The following AP2A2 variants were observed in gnomAD, a reference collection of about 807,000 sequenced individuals.
AP2A2 encodes the protein AP-2 complex subunit alpha-2.
Under a neutral mutation model 104.2 loss-of-function variants are expected in AP2A2, and 32 were observed. That is an observed-to-expected ratio of 0.31 (90% CI 0.23 to 0.41). AP2A2 has a LOEUF of 0.41. AP2A2 is among the 10% of genes least tolerant of loss of function. The probability of loss-of-function intolerance (pLI) is 1.00; values close to 1 mark genes in which losing one functional copy is unlikely to be tolerated. For synonymous variants in AP2A2, 539 were observed against 533.3 expected (o/e 1.01, Z -0.15); for missense variants, 912 against 1,261.0 (o/e 0.72, Z 4.19).
chr11:987,654 C>CAA (rs776055754), intron 9 of AP2A2, among the ~76,000 whole-genome samples: 5 of 136,776 alleles, frequency 3.7e-5, no homozygotes, highest in South Asian at 2.3e-4. Context: ...GACTCCGTCT[C>CAA]AAAAAAAAAA....
At chr11:969,316 C>T (rs988981588) in intron 2 of AP2A2, among the ~76,000 whole-genome samples, 14 of 150,022 alleles carry the variant, frequency 9.3e-5, no homozygotes, top group South Asian at 2.1e-4. Context: ...CCGCAACCTC[C>T]GCCTCCCAGG....
chr11:961,526 C>A (rs2134573204), intron 2 of AP2A2, among the ~76,000 whole-genome samples: 1 of 148,168 alleles, frequency 6.7e-6, no homozygotes, highest in South Asian at 2.2e-4. Flanking sequence ...GTCGCCACCA[C>A]CAGTGAAAAG....
At chr11:966,872 T>C (rs936845328) in intron 2 of AP2A2, among the ~76,000 whole-genome samples, 31 of 152,056 alleles carry the variant, frequency 2.0e-4, no homozygotes, top group Non-Finnish European at 1.2e-4. Flanking sequence ...GATATTTTGT[T>C]ATAAAAAAAT....
intron 14 of AP2A2, among the ~76,000 whole-genome samples, chr11:997,532 C>G (rs773841577): frequency 1.9e-4 from 29 of 152,340 alleles, no homozygotes; most frequent in African/African-American, 6.3e-4. Context: ...TCTGGCCTCG[C>G]TGTTACAATC....
intron 10 of AP2A2, among the ~76,000 whole-genome samples, chr11:990,229 G>T (rs941346155): frequency 2.0e-5 from 3 of 152,236 alleles, no homozygotes; most frequent in Non-Finnish European, 4.4e-5. Flanking sequence ...AGTTGAGGGG[G>T]ACAGGGACGG....
At chr11:1,010,232 TTG>T in intron 21 of AP2A2, 1 of 510,724 alleles carries the variant, frequency 2.0e-6, no homozygotes, top group South Asian at 3.2e-5. Context: ...TCCGTTTCAC[TTG>T]GGTGGCACCC....
At chr11:998,180 C>T (rs968023973) in intron 14 of AP2A2, among the ~76,000 whole-genome samples, 1 of 152,318 alleles carries the variant, frequency 6.6e-6, no homozygotes, top group Admixed American at 6.5e-5. Context: ...TGGGACTCTT[C>T]TCTGCCAGCT....
intron 1 of AP2A2, among the ~76,000 whole-genome samples, chr11:926,947 C>T (rs2134440328): frequency 6.6e-6 from 1 of 152,328 alleles, no homozygotes; most frequent in Admixed American, 6.5e-5. Flanking sequence ...GTGTGCAGAA[C>T]CTCCTCTTGG....
intron 14 of AP2A2, among the ~76,000 whole-genome samples, chr11:999,647 A>G (rs550708293): frequency 1.5e-4 from 23 of 152,076 alleles, no homozygotes; most frequent in African/African-American, 5.3e-4. Flanking sequence ...ATTATTTTTT[A>G]AAAGTATCCG....
At chr11:932,807 G>A (rs1589940014) in intron 1 of AP2A2, 1 of 455,572 alleles carries the variant, frequency 2.2e-6, no homozygotes, top group Non-Finnish European at 4.4e-6. Context: ...ATGACAAGTT[G>A]AAGTGTCCTG....
At chr11:1,007,809 G>C in intron 17 of AP2A2, 1 of 658,574 alleles carries the variant, frequency 1.5e-6, no homozygotes, top group Non-Finnish European at 2.6e-6. Flanking sequence ...AGCCATTCTG[G>C]AAGCGTGAGA....
intron 2 of AP2A2, 116 bp downstream of exon 2, chr11:959,621 TAC>T: frequency 1.4e-6 from 1 of 720,200 alleles, no homozygotes; most frequent in Non-Finnish European, 2.3e-6. Flanking sequence ...TCTCAGTTTG[TAC>T]AGTTTCTATC....
rs1854717279 is a variant in AP2A2 at position 968,900 on chromosome 11, T to C, written c.137-1269T>C. On this transcript the variant is annotated intron_variant, in intron 2 of 21. Coordinates refer to ENST00000448903, the MANE Select transcript of AP2A2 (RefSeq NM_012305.4). This position sits in a 1 kb window ranked among gnomAD's most constrained non-coding sequence, Gnocchi z 4.2. ...GGGGTTTCTCATGAGCTCCTCAGAG[T>C]GCAGCATGCAGCTGACTGGCCGACT... 6.6e-6 allele frequency among the ~76,000 whole-genome samples: 1 copy of C among 152,120 alleles called. No homozygotes were observed. The highest frequency in any genetic ancestry group is 1.5e-5 in the Non-Finnish European group (1 of 68,024).
chr11:953,808 G>A lies in AP2A2; in HGVS notation c.68-5629G>A, dbSNP rs578068929. 1.2e-4 allele frequency among the ~76,000 whole-genome samples: 18 copies of A among 151,598 alleles called. No individual in the cohort carries two copies. The East Asian group carries it at 3.1e-3, about 26-fold the overall frequency. On this transcript the variant is annotated intron_variant, in intron 1 of 21. Coordinates refer to ENST00000448903, the MANE Select transcript of AP2A2 (RefSeq NM_012305.4). ...TCCTGTCCTCAGGTCTGGCCGAGAC[G>A]TGACACTACTCTTCTCTCTACCTTC...
chr11:1,000,673 A>G (rs1856003770), intron 15 of AP2A2, 75 bp downstream of exon 15: 1 of 1,443,330 alleles, frequency 6.9e-7, no homozygotes, highest in Admixed American at 2.3e-5. Context: ...GGCCGCGGCC[A>G]GCTGGACAGA....
At chr11:974,154 G>A (rs1053212821) in intron 4 of AP2A2, among the ~76,000 whole-genome samples, 2 of 151,810 alleles carry the variant, frequency 1.3e-5, no homozygotes, top group Admixed American at 6.5e-5. Flanking sequence ...CAGGTGGCCC[G>A]TGTTCTGGTG....
At chr11:1,001,611 G>T (rs980037854) in intron 15 of AP2A2, among the ~76,000 whole-genome samples, 1 of 152,138 alleles carries the variant, frequency 6.6e-6, no homozygotes, top group Non-Finnish European at 1.5e-5. Flanking sequence ...GTGGGTGCAG[G>T]TCGCCGCTTG....
chr11:998,099 G>A (rs2133760937), intron 14 of AP2A2, among the ~76,000 whole-genome samples: 1 of 152,340 alleles, frequency 6.6e-6, no homozygotes, highest in South Asian at 2.1e-4. Flanking sequence ...GTGTTGGCGG[G>A]CGCTGTCCCC....
At chr11:994,793 G>T (rs1189300731) in intron 14 of AP2A2, among the ~76,000 whole-genome samples, 29 of 104,434 alleles carry the variant, frequency 2.8e-4, no homozygotes, top group South Asian at 6.5e-4. Context: ...CACCCTGCTG[G>T]CCTGTCCCGG....
Sources: allele counts gnomAD v4.1 joint callset (sites outside exome capture counted in the v4.1 genomes callset), GRCh38; gene constraint gnomAD v4.1.1; non-coding constraint Gnocchi (gnomAD v3.1); transcripts MANE v1.5; gene names NCBI Gene and HGNC (gene_info 2026-07-23, HGNC 2026-07-21).